The following MAPK6 variants were observed in gnomAD, a reference collection of about 807,000 sequenced individuals.
The protein encoded by MAPK6 is mitogen-activated protein kinase 6, also known as ERK-3.
A neutral mutation model predicts 59.3 loss-of-function variants in MAPK6; 19 were observed. The ratio of observed to expected loss-of-function variants is 0.32; its 90% CI spans 0.22 to 0.47. MAPK6 has a LOEUF of 0.47. Ranked by LOEUF, MAPK6 falls within the 20% of genes least tolerant of loss-of-function variation. The pLI is 1.00. For missense variants in MAPK6, 724 were observed against 847.9 expected, an observed-to-expected ratio of 0.85 and a Z score of 1.81; for synonymous variants, 316 against 290.3, an observed-to-expected ratio of 1.09 and a Z score of -0.90.
In MAPK6 at chr15:52,065,586, T is replaced by G. The variant is rs1332689853; in HGVS notation, c.*586T>G. The G allele has an allele frequency of 6.6e-6, 1 of 152,614 alleles. No individual in the cohort carries two copies. The highest frequency in any genetic ancestry group is 2.4e-5 in the African/African-American group (1 of 41,416). 9.5% of individuals were successfully genotyped at this position (152,614 alleles called of 1,614,324 possible). A position where few individuals can be genotyped will look rare whatever the true frequency, so the allele number is the denominator to read the frequency against. On this transcript the variant is annotated 3_prime_UTR_variant, in exon 6 of 6. Transcript: ENST00000261845. ...GCCAGCGTTTATTGTAGTAAACTAT[T>G]CTTAATAAAACTCACTCACTGTTTA...
At chr15:52,058,911 T>C in intron 4 of MAPK6, 114 bp downstream of exon 4, 7 of 820,832 alleles carry the variant, frequency 8.5e-6, no homozygotes, top group Middle Eastern at 3.3e-4. Flanking sequence ...AAATAGTCTT[T>C]AGACACTTAA....
rs1348984987 is a variant in MAPK6, at chr15:52,066,782, G to GTGTGTGTGTGTGTA, written c.*1793_*1794insGTATGTGTGTGTGT. On this transcript the variant is annotated 3_prime_UTR_variant, in exon 6 of 6. Coordinates refer to ENST00000261845, the MANE Select transcript of MAPK6 (RefSeq NM_002748.4). Reference sequence around the variant, plus strand: ...TATACACGTGTGTGTGTGTGTGTGTGTGTGTGTGTGTATATATATTCATTT... The same window carrying GTGTGTGTGTGTGTA: ...TATACACGTGTGTGTGTGTGTGTGTGTGTGTGTGTGTGTATGTGTGTGTGTATATATATTCATTT... The GTGTGTGTGTGTGTA allele has an allele frequency of 6.7e-5, 9 of 134,922 alleles. No homozygotes were observed. Among genetic ancestry groups the GTGTGTGTGTGTGTA allele is most frequent in the Non-Finnish European group, 1.3e-4 (8 of 63,504 alleles). 8.4% of individuals were successfully genotyped at this position (134,922 alleles called of 1,614,324 possible).
chr15:52,025,547 A>G (rs2030737498), intron 1 of MAPK6, among the ~76,000 whole-genome samples: 3 of 152,224 alleles, frequency 2.0e-5, no homozygotes, highest in Admixed American at 1.3e-4. Flanking sequence ...TCACGCCTGT[A>G]ATGCCAGCAC....
intron 2 of MAPK6, among the ~76,000 whole-genome samples, chr15:52,047,495 G>A (rs1215660660): frequency 1.3e-5 from 2 of 152,022 alleles, no homozygotes; most frequent in Non-Finnish European, 2.9e-5. Context: ...ACAGGTGCGT[G>A]CCATCATGCC....
chr15:52,060,572 G>C (rs976707553), intron 4 of MAPK6, among the ~76,000 whole-genome samples: 2 of 152,190 alleles, frequency 1.3e-5, no homozygotes, highest in African/African-American at 4.8e-5. Flanking sequence ...TGGTGATCCA[G>C]GGTTGAAGGT....
At chr15:52,062,267 T>A (rs2032233687) in intron 5 of MAPK6, among the ~76,000 whole-genome samples, 1 of 151,838 alleles carries the variant, frequency 6.6e-6, no homozygotes, top group Non-Finnish European at 1.5e-5. Context: ...CCTCAGGTGA[T>A]CTGCCTGCCT....
chr15:52,044,926 C>CTTTTTTTTTTT (rs80337297), intron 1 of MAPK6, among the ~76,000 whole-genome samples: 1 of 130,784 alleles, frequency 7.6e-6, no homozygotes, highest in Non-Finnish European at 1.6e-5. Flanking sequence ...TTTTTTTTTC[C>CTTTTTTTTTTT]TTTTTTTTTT....
chr15:52,039,732 G>A (rs2031358220), intron 1 of MAPK6, among the ~76,000 whole-genome samples: 2 of 151,874 alleles, frequency 1.3e-5, no homozygotes, highest in African/African-American at 4.8e-5. Context: ...GGCCAGGCTG[G>A]TCTCCAACTC....
chr15:52,016,070 G>GCGCGCACACA, upstream of MAPK6, among the ~76,000 whole-genome samples: 1,187 of 55,366 alleles, frequency 0.021, 50 homozygotes, highest in Non-Finnish European at 0.025. Context: ...GCGCGCGCGC[G>GCGCGCACACA]CACACACACA....
chr15:52,058,682 T>G lies in MAPK6; in HGVS notation c.750T>G (p.Val250=). ...AGCTGATTTTAGAATCTATTCCTGT[T>G]GTACATGAGGAAGATCGTCAGGAGC... ...QMQLILESIP[V]VHEEDRQELL... The change falls in exon 4 of 6, where the codon GTT becomes GTG. Residue 250 remains valine (V), a synonymous_variant. Coordinates refer to ENST00000261845, the MANE Select transcript of MAPK6 (RefSeq NM_002748.4). The G allele has an allele frequency of 1.2e-6, 2 of 1,613,292 alleles. No homozygotes were observed. Among genetic ancestry groups the G allele is most frequent in the South Asian group, 1.1e-5 (1 of 90,944 alleles).
Position 52,046,064 on chromosome 15 carries a change from G to C in MAPK6, c.-397G>C, listed in dbSNP as rs1319744518. On this transcript the variant is annotated 5_prime_UTR_variant, in exon 2 of 6. Coordinates refer to ENST00000261845, the MANE Select transcript of MAPK6 (RefSeq NM_002748.4). ...ACTGAATGTATCTGCACTGTGAGGA[G>C]AATGTTCATAGAAGCCTGTTGTGTG... The C allele has an allele frequency of 5.3e-6, 1 of 188,666 alleles. No homozygotes were observed. The highest frequency in any genetic ancestry group is 1.1e-5 in the Non-Finnish European group (1 of 90,046). The allele number at this position is 188,666 out of a possible 1,614,324, so 11.7% of individuals were successfully genotyped here.
At chr15:52,011,790 G>C (rs1463425171) in intron 3 of MAPK6, among the ~76,000 whole-genome samples, 1 of 152,242 alleles carries the variant, frequency 6.6e-6, no homozygotes, top group Non-Finnish European at 1.5e-5. Flanking sequence ...AATTTCTTCA[G>C]TGGAAGGCTG....
chr15:52,020,172 C>T (rs1406044747), intron 1 of MAPK6: 1 of 152,260 alleles, frequency 6.6e-6, no homozygotes, highest in Non-Finnish European at 1.5e-5. Flanking sequence ...CAAAAAGGGC[C>T]TTGTCACTTT....
Position 52,033,536 on chromosome 15 carries a change from G to A in MAPK6, c.-631-12294G>A, listed in dbSNP as rs532500436. ...GACTTAGACCAGTGGTCTGTCGGGG[G>A]TTCTCCAGCCTTCAGCCACAGATTG... is the stretch of plus-strand genomic sequence containing the variant. On this transcript the variant is annotated intron_variant, in intron 1 of 5. Transcript: ENST00000261845. Among the ~76,000 whole-genome samples, 69 of 152,312 alleles carry A rather than the reference G, an allele frequency of 4.5e-4. 2 individuals are homozygous for A. The highest frequency in any genetic ancestry group is 4.4e-5 in the Non-Finnish European group (3 of 68,022).
intron 1 of MAPK6, among the ~76,000 whole-genome samples, chr15:52,044,715 AT>A (rs1413433248): frequency 6.6e-6 from 1 of 151,634 alleles, no homozygotes; most frequent in East Asian, 1.9e-4. Context: ...TTTATAGGAT[AT>A]TTTTTAAAGT....
At chr15:52,063,042 C>T (rs547960064) in intron 5 of MAPK6, among the ~76,000 whole-genome samples, 1 of 152,086 alleles carries the variant, frequency 6.6e-6, no homozygotes, top group East Asian at 1.9e-4. Context: ...TTTTTTTCTC[C>T]ATGTGTCCAT....
In MAPK6 at chr15:52,046,264, C is replaced by G; in HGVS notation, c.-197C>G. ...TTTTTAATTCTCAATATGAATAGAG[C>G]TTTTTGAGCTTTAAATCTAAGGGGA... On this transcript the variant is annotated 5_prime_UTR_variant, in exon 2 of 6. Transcript: ENST00000261845. The G allele has an allele frequency of 1.9e-6, 1 of 528,282 alleles. No individual in the cohort carries two copies. Among genetic ancestry groups the G allele is most frequent in the Non-Finnish European group, 3.3e-6 (1 of 300,858 alleles). 32.7% of individuals were successfully genotyped at this position (528,282 alleles called of 1,614,324 possible).
chr15:52,008,503 A>C (rs1376517133), intron 3 of MAPK6, among the ~76,000 whole-genome samples: 1 of 152,170 alleles, frequency 6.6e-6, no homozygotes, highest in Non-Finnish European at 1.5e-5. Context: ...TCCTGTGCAC[A>C]TGGGTCATGG....
At chr15:52,051,492 G>A (rs867863792) in intron 3 of MAPK6, among the ~76,000 whole-genome samples, 13 of 152,198 alleles carry the variant, frequency 8.5e-5, no homozygotes, top group South Asian at 2.1e-4. Flanking sequence ...AAAGGACAGC[G>A]TGCATAAATG....
Sources: gnomAD v4.1 joint callset for allele counts (sites outside exome capture counted in the v4.1 genomes callset) on GRCh38, gnomAD v4.1.1 for gene constraint, MANE v1.5 for transcripts, NCBI Gene and HGNC (gene_info 2026-07-23, HGNC 2026-07-21) for gene names.